The following CCM2 variants were observed in gnomAD, a reference collection of about 807,000 sequenced individuals.
The protein encoded by CCM2 is cerebral cavernous malformations 2 protein.
A neutral mutation model predicts 44.9 loss-of-function variants in CCM2; 25 were observed. The ratio of observed to expected loss-of-function variants is 0.56; its 90% confidence interval spans 0.41 to 0.78. The LOEUF is 0.78. Among genes scored for constraint, CCM2 ranks in the 30% least tolerant of loss-of-function variants. The pLI, the probability that CCM2 is intolerant of heterozygous loss-of-function variation, is 0.00. For missense variants in CCM2, 481 were observed against 580.6 expected, an observed-to-expected ratio of 0.83 and a Z score of 1.76; for synonymous variants, 219 against 241.1, an observed-to-expected ratio of 0.91 and a Z score of 0.85.
At chr7:45,071,516 G>T (rs1400218892) in intron 6 of CCM2, 1 of 285,228 alleles carries the variant, frequency 3.5e-6, no homozygotes, top group Non-Finnish European at 6.9e-6. Context: ...AGTTTTGCTT[G>T]CTGTGTTCTC....
intron 2 of CCM2, among the ~76,000 whole-genome samples, chr7:45,050,204 G>A (rs1170133716): frequency 6.6e-6 from 1 of 152,210 alleles, no homozygotes; most frequent in African/African-American, 2.4e-5. Flanking sequence ...ACATTAACAT[G>A]CTGTACAGGT....
chr7:45,042,952 C>G (rs975941328), intron 2 of CCM2, among the ~76,000 whole-genome samples: 28 of 144,072 alleles, frequency 1.9e-4, no homozygotes, highest in African/African-American at 7.5e-4. Context: ...TCTCTGCTTT[C>G]TCTTCTCTTC....
In CCM2 at chr7:45,038,434, G is replaced by T; in HGVS notation, c.204+8G>T. On this transcript the variant is annotated splice_region_variant and intron_variant, in intron 2 of 9. Transcript: ENST00000258781. Reference sequence around the variant, plus strand: ...ATTGAGAAGGAGGTAAAGGTAAGTCGTCATGGGCCACAGGACGTGCCTGCC... The same window carrying T: ...ATTGAGAAGGAGGTAAAGGTAAGTCTTCATGGGCCACAGGACGTGCCTGCC... 6.2e-7 allele frequency: 1 copy of T among 1,613,752 alleles called. No homozygotes were observed. Among genetic ancestry groups the T allele is most frequent in the Non-Finnish European group, 8.5e-7 (1 of 1,179,982 alleles).
intron 2 of CCM2, among the ~76,000 whole-genome samples, chr7:45,054,444 C>T (rs144275626): frequency 4.6e-5 from 7 of 151,426 alleles, no homozygotes; most frequent in African/African-American, 1.7e-4. Flanking sequence ...CAATCAAGGC[C>T]AATAAAGAGA....
At chr7:45,043,936 A>G (rs568629377) in intron 2 of CCM2, among the ~76,000 whole-genome samples, 1 of 152,204 alleles carries the variant, frequency 6.6e-6, no homozygotes, top group East Asian at 1.9e-4. Context: ...ATTTGTTTCC[A>G]GTGCCCTCCT....
chr7:45,046,264 A>T (rs1866579), intron 2 of CCM2, among the ~76,000 whole-genome samples: 20,330 of 152,342 alleles, frequency 0.13, 1,667 homozygotes, highest in Middle Eastern at 0.22. Flanking sequence ...CTTGAAATTT[A>T]AATGGAGAGG....
chr7:45,056,259 A>G (rs1025033842), intron 2 of CCM2, among the ~76,000 whole-genome samples: 2 of 152,240 alleles, frequency 1.3e-5, no homozygotes, highest in South Asian at 2.1e-4. Flanking sequence ...AGGAACCACC[A>G]TATTGCTTTT....
At chr7:45,052,416 A>T (rs927795356) in intron 2 of CCM2, among the ~76,000 whole-genome samples, 1 of 152,118 alleles carries the variant, frequency 6.6e-6, no homozygotes, top group African/African-American at 2.4e-5. Context: ...TCAGCTGTGT[A>T]TTGGGAACCC....
intron 2 of CCM2, among the ~76,000 whole-genome samples, chr7:45,057,961 G>A (rs963716586): frequency 6.6e-6 from 1 of 152,166 alleles, no homozygotes; most frequent in Non-Finnish European, 1.5e-5. Flanking sequence ...ATTTGCCACC[G>A]TGCCCTGAGT....
intron 2 of CCM2, among the ~76,000 whole-genome samples, chr7:45,060,509 C>T (rs1421448183): frequency 1.3e-5 from 2 of 152,218 alleles, no homozygotes; most frequent in Admixed American, 1.3e-4. Context: ...GGGAACTTCT[C>T]AGCTCTCATT....
intron 1 of CCM2, chr7:45,027,683 C>T (rs371886141): frequency 6.2e-7 from 1 of 1,614,054 alleles, no homozygotes; most frequent in African/African-American, 1.3e-5. Flanking sequence ...TATTTTTCAA[C>T]AAATTCAGAA....
intron 2 of CCM2, among the ~76,000 whole-genome samples, chr7:45,051,285 G>T (rs2128739745): frequency 6.6e-6 from 1 of 152,298 alleles, no homozygotes; most frequent in Non-Finnish European, 1.5e-5. Context: ...TATTGGTTTA[G>T]ATGTATACTG....
chr7:45,007,291 C>T (rs919472768), intron 1 of CCM2, among the ~76,000 whole-genome samples: 4 of 152,130 alleles, frequency 2.6e-5, no homozygotes, highest in African/African-American at 7.2e-5. Flanking sequence ...GGATCTGTGG[C>T]GGGAGCAGTG....
chr7:45,044,258 C>A (rs573591658), intron 2 of CCM2, among the ~76,000 whole-genome samples: 11 of 152,196 alleles, frequency 7.2e-5, no homozygotes, highest in Non-Finnish European at 1.5e-5. Flanking sequence ...TTCAGCCTCC[C>A]GAGTGGCTGG....
chr7:45,007,649 T>C (rs1795898802), intron 1 of CCM2, among the ~76,000 whole-genome samples: 1 of 152,194 alleles, frequency 6.6e-6, no homozygotes, highest in African/African-American at 2.4e-5. Flanking sequence ...GTATGTGCAA[T>C]GAAAGTGATC....
In CCM2 at chr7:45,076,071, G is replaced by C. The variant is rs116320627; in HGVS notation, c.*14G>C. 326 of 1,612,750 alleles carry C rather than the reference G, an allele frequency of 2.0e-4. No homozygotes were observed. The highest frequency in any genetic ancestry group is 2.6e-4 in the Non-Finnish European group (302 of 1,179,994). ...GACTCAGCATGATGGACAGTGGATG[G>C]GGGGGCACCCACACCTTCCGCGCAG... On this transcript the variant is annotated 3_prime_UTR_variant, in exon 10 of 10. Transcript: ENST00000258781.
intron 2 of CCM2, among the ~76,000 whole-genome samples, chr7:45,045,153 G>A (rs1797691462): frequency 1.3e-5 from 2 of 152,010 alleles, no homozygotes; most frequent in African/African-American, 2.4e-5. Flanking sequence ...CTCCACTATC[G>A]TTATAGCTGC....
chr7:45,064,763 C>T (rs1798692796), intron 4 of CCM2, 117 bp downstream of exon 4: 1 of 1,029,768 alleles, frequency 9.7e-7, no homozygotes, highest in Non-Finnish European at 1.5e-6. Context: ...TTGTCACGAC[C>T]AATAATTGTC....
chr7:44,999,817 C>G (rs1248231256), upstream of CCM2: 2 of 259,472 alleles, frequency 7.7e-6, no homozygotes, highest in Non-Finnish European at 1.5e-5. Flanking sequence ...CGCGCGCTCC[C>G]GCGCGCGCTG....
Sources: allele counts gnomAD v4.1 joint callset (sites outside exome capture counted in the v4.1 genomes callset), GRCh38; gene constraint gnomAD v4.1.1; transcripts MANE v1.5; gene names NCBI Gene and HGNC (gene_info 2026-07-23, HGNC 2026-07-21).